MTMR14: variants seen among roughly 807,000 people sequenced by gnomAD.
The protein encoded by MTMR14 is phosphatidylinositol-3,5-bisphosphate 3-phosphatase MTMR14.
In MTMR14, 48 loss-of-function variants were observed where a neutral mutation model predicts 86.3. That is an observed-to-expected ratio of 0.56 (90% confidence interval 0.44 to 0.71). The LOEUF is 0.71. Ranked by LOEUF, MTMR14 falls within the 30% of genes least tolerant of loss-of-function variation. The pLI, the probability that MTMR14 is intolerant of heterozygous loss-of-function variation, is 0.00. For missense variants in MTMR14, 780 were observed against 834.6 expected (o/e 0.93, Z 0.81); for synonymous variants, 366 against 326.1 (o/e 1.12, Z -1.32).
chr3:9,672,580 T>A, intron 6 of MTMR14, 105 bp from the exon 7 acceptor site: 3 of 1,031,900 alleles, frequency 2.9e-6, no homozygotes, highest in Non-Finnish European at 1.5e-6. Context: ...AAGAATAGTT[T>A]TTTTTAGCAG....
chr3:9,699,650 C>T (rs1407770484), intron 18 of MTMR14: 1 of 152,258 alleles, frequency 6.6e-6, no homozygotes, highest in Non-Finnish European at 1.5e-5. Context: ...CCTCCCTTGC[C>T]TGGTGTGTGT....
chr3:9,679,082 G>C (rs1054069856), intron 9 of MTMR14, among the ~76,000 whole-genome samples: 1 of 152,206 alleles, frequency 6.6e-6, no homozygotes, highest in Non-Finnish European at 1.5e-5. Flanking sequence ...ACCAATGTCA[G>C]TACCCTGTTG....
At chr3:9,651,090 T>G (rs1559551457) in intron 1 of MTMR14, among the ~76,000 whole-genome samples, 1 of 149,256 alleles carries the variant, frequency 6.7e-6, no homozygotes, top group South Asian at 2.1e-4. Flanking sequence ...CGCCTGGCTT[T>G]TTTGTTTGTT....
At chr3:9,658,956 G>A (rs1559561310) in intron 2 of MTMR14, among the ~76,000 whole-genome samples, 1 of 152,224 alleles carries the variant, frequency 6.6e-6, no homozygotes, top group Non-Finnish European at 1.5e-5. Context: ...TTGGGAGGCC[G>A]AGATGGGCGT....
intron 3 of MTMR14, among the ~76,000 whole-genome samples, chr3:9,666,035 C>T (rs35162411): frequency 6.1e-4 from 92 of 150,832 alleles, no homozygotes; most frequent in Middle Eastern, 3.4e-3. Flanking sequence ...CCCATTTCAA[C>T]TTAATTTTTA....
At chr3:9,653,206 G>A (rs2047405022) in intron 1 of MTMR14, among the ~76,000 whole-genome samples, 1 of 152,270 alleles carries the variant, frequency 6.6e-6, no homozygotes, top group Non-Finnish European at 1.5e-5. Context: ...CTGCACTGCA[G>A]CCTGGGCGAC....
chr3:9,666,466 G>C (rs1202883600), intron 3 of MTMR14, among the ~76,000 whole-genome samples: 3 of 152,176 alleles, frequency 2.0e-5, no homozygotes, highest in Admixed American at 6.5e-5. Flanking sequence ...CTTAAGATAT[G>C]CTTTAAGTGT....
rs545729557 is a variant in MTMR14 at position 9,687,863 on chromosome 3, G to A, written c.1207G>A (p.Glu403Lys). 23 of 1,589,066 alleles carry A rather than the reference G, an allele frequency of 1.4e-5. No homozygotes were observed. The highest frequency in any genetic ancestry group is 8.0e-5 in the South Asian group (7 of 88,050). ...CFNFLKHITS[E>K]EFSALKTQRR... is the part of the protein sequence containing the mutation. ...CAATTTTTTGAAGCATATTACCTCC[G>A]AGGAGTTCTCTGCTCTGAAGACCCA... The change falls in exon 14 of 19, where the codon GAG becomes AAG. Residue 403 changes from glutamate (E) to lysine (K), a missense_variant. Coordinates refer to ENST00000296003, the MANE Select transcript of MTMR14 (RefSeq NM_001077525.3).
chr3:9,661,810 C>G (rs369568123), intron 2 of MTMR14, among the ~76,000 whole-genome samples: 12 of 150,456 alleles, frequency 8.0e-5, no homozygotes, highest in African/African-American at 2.9e-4. Flanking sequence ...TCCTGAAAAA[C>G]TTAATATATC....
intron 10 of MTMR14, 48 bp downstream of exon 10, chr3:9,683,292 G>A: frequency 1.3e-6 from 2 of 1,543,548 alleles, no homozygotes; most frequent in Non-Finnish European, 1.8e-6. Context: ...CCCTTGGGGA[G>A]TTCCCAGTTC....
chr3:9,662,715 TAAATC>T (rs1301047649), intron 3 of MTMR14, among the ~76,000 whole-genome samples: 1 of 152,230 alleles, frequency 6.6e-6, no homozygotes, highest in Non-Finnish European at 1.5e-5. Context: ...TGGATTAGAT[TAAATC>T]AAATGAGTTC....
chr3:9,659,707 T>G (rs2047812140), intron 2 of MTMR14: 1 of 455,498 alleles, frequency 2.2e-6, no homozygotes, highest in Admixed American at 2.3e-5. Context: ...CCTCCCCAAG[T>G]GTGGGATTAC....
At chr3:9,665,365 C>T (rs1409813860) in intron 3 of MTMR14, among the ~76,000 whole-genome samples, 5 of 151,444 alleles carry the variant, frequency 3.3e-5, no homozygotes, top group Non-Finnish European at 5.9e-5. Context: ...ATTCTTCCAG[C>T]GGAAACAGAA....
intron 2 of MTMR14, among the ~76,000 whole-genome samples, chr3:9,658,032 G>C (rs747452896): frequency 2.1e-4 from 32 of 152,146 alleles, no homozygotes; most frequent in Non-Finnish European, 4.1e-4. Flanking sequence ...TTAGGCCAAG[G>C]CCACTGTGGA....
Position 9,649,743 on chromosome 3 carries a change from G to A in MTMR14, c.159+1G>A. 2.5e-6 allele frequency: 4 copies of A among 1,613,442 alleles called. No individual in the cohort carries two copies. The highest frequency in any genetic ancestry group is 3.4e-6 in the Non-Finnish European group (4 of 1,179,810). On this transcript the variant is annotated splice_donor_variant, in intron 1 of 18. Coordinates refer to ENST00000296003, the MANE Select transcript of MTMR14 (RefSeq NM_001077525.3). LOFTEE classifies it high-confidence loss of function. ...TGGCAGCGGGACCGGCGGCTCTAAG[G>A]TGAGATTGGAGGTGCGATGAGCTGG...
rs770033398 is a variant in MTMR14, at chr3:9,689,097, T to G, written c.1433+15T>G. The G allele has an allele frequency of 6.2e-7, 1 of 1,607,960 alleles. No homozygotes were observed. The highest frequency in any genetic ancestry group is 1.3e-5 in the African/African-American group (1 of 75,064). On this transcript the variant is annotated intron_variant, in intron 16 of 18. Transcript: ENST00000296003. Reference sequence around the variant, plus strand: ...CAGGCAGCTTGGTAAGGGGCCAGACTTGGACCAAGGTCACTCACAGCTGTG... The same window carrying G: ...CAGGCAGCTTGGTAAGGGGCCAGACGTGGACCAAGGTCACTCACAGCTGTG...
intron 9 of MTMR14, among the ~76,000 whole-genome samples, chr3:9,681,847 G>A (rs2125241733): frequency 6.6e-6 from 1 of 151,832 alleles, no homozygotes; most frequent in African/African-American, 2.4e-5. Flanking sequence ...TCAGCCGTGT[G>A]ACCTTGGCCC....
chr3:9,680,827 A>T (rs938578780), intron 9 of MTMR14, among the ~76,000 whole-genome samples: 1 of 151,754 alleles, frequency 6.6e-6, no homozygotes, highest in South Asian at 2.1e-4. Flanking sequence ...ACAGAGCGAG[A>T]CTCCGTCTCA....
At chr3:9,695,975 C>G (rs1021221512) in intron 17 of MTMR14, among the ~76,000 whole-genome samples, 13 of 152,186 alleles carry the variant, frequency 8.5e-5, no homozygotes, top group Non-Finnish European at 1.5e-4. Context: ...GGAAGCCCTG[C>G]TCTGTCGGGC....
Sources: gnomAD v4.1 joint callset for allele counts (sites outside exome capture counted in the v4.1 genomes callset) on GRCh38, gnomAD v4.1.1 for gene constraint, MANE v1.5 for transcripts, NCBI Gene and HGNC (gene_info 2026-07-23, HGNC 2026-07-21) for gene names.